Variants in LPCAT1 observed in about 807,000 individuals in gnomAD.
LPCAT1 encodes the protein 1-acylglycerol-3-phosphate O-acyltransferase.
Under a neutral mutation model 60.9 loss-of-function variants are expected in LPCAT1, and 23 were observed. The ratio of observed to expected loss-of-function variants is 0.38; its 90% confidence interval spans 0.27 to 0.53. LPCAT1 has a LOEUF of 0.53. Ranked by LOEUF, LPCAT1 falls within the 20% of genes least tolerant of loss-of-function variation. The probability of loss-of-function intolerance (pLI) is 0.82; values close to 1 mark genes in which losing one functional copy is unlikely to be tolerated. For missense variants in LPCAT1, 622 were observed against 723.6 expected, an observed-to-expected ratio of 0.86 and a Z score of 1.61; for synonymous variants, 340 against 301.1, an observed-to-expected ratio of 1.13 and a Z score of -1.34.
At chr5:1,469,527 A>G (rs1308694395) in intron 12 of LPCAT1, among the ~76,000 whole-genome samples, 1 of 152,214 alleles carries the variant, frequency 6.6e-6, no homozygotes, top group African/African-American at 2.4e-5. Context: ...CTGTAATCCC[A>G]GCACTTTGGG....
In LPCAT1 at chr5:1,463,319, A is replaced by AAT; in HGVS notation, c.*331_*332insAT. On this transcript the variant is annotated 3_prime_UTR_variant, in exon 14 of 14. Coordinates refer to ENST00000283415, the MANE Select transcript of LPCAT1 (RefSeq NM_024830.5). ...GCCCGGTGCACGCTGCCGCCGGAAG[A>AAT]GGCTGTGACAGAGACTCGAAACCAG... The AAT allele has an allele frequency of 3.7e-6, 1 of 273,010 alleles. No individual in the cohort carries two copies. Among genetic ancestry groups the AAT allele is most frequent in the Admixed American group, 5.0e-5 (1 of 19,826 alleles). 16.9% of individuals were successfully genotyped at this position (273,010 alleles called of 1,614,324 possible).
rs1248487431 is a variant in LPCAT1 at position 1,463,791 on chromosome 5, C to T, written c.1465G>A (p.Glu489Lys). The T allele has an allele frequency of 1.2e-6, 2 of 1,614,094 alleles. No homozygotes were observed. The highest frequency in any genetic ancestry group is 1.7e-5 in the Admixed American group (1 of 60,004). The change falls in exon 14 of 14, where the codon GAA (glutamate) becomes AAA (lysine). Residue 489 changes from glutamate to lysine, a missense_variant. This residue lies in a region of LPCAT1 where 288 missense variants were observed against 283.6 expected (regional missense o/e 1.02). Coordinates refer to ENST00000283415, the MANE Select transcript of LPCAT1 (RefSeq NM_024830.5). ...FAEMYPAFAE[E>K]YLYPDQTHFE... ...TGTGTCTGATCCGGGTACAGGTATT[C>T]CTCTGCGAAGGCAGGGTACATTTCT... is the stretch of plus-strand genomic sequence containing the variant.
At chr5:1,507,114 G>A (rs1030315210) in intron 1 of LPCAT1, among the ~76,000 whole-genome samples, 4 of 152,264 alleles carry the variant, frequency 2.6e-5, no homozygotes, top group Non-Finnish European at 5.9e-5. Flanking sequence ...AGAGGGGGAG[G>A]GACTCAGAGA....
intron 5 of LPCAT1, among the ~76,000 whole-genome samples, chr5:1,485,984 T>A (rs1045303306): frequency 6.6e-6 from 1 of 152,190 alleles, no homozygotes; most frequent in African/African-American, 2.4e-5. Flanking sequence ...GCCTTCTCAC[T>A]GTCTTCGTTC....
At chr5:1,465,977 G>A (rs1406677978) in intron 13 of LPCAT1, among the ~76,000 whole-genome samples, 5 of 152,226 alleles carry the variant, frequency 3.3e-5, no homozygotes, top group Admixed American at 6.5e-5. Context: ...CCGCACTCCC[G>A]CCTCCGGCTC....
chr5:1,499,223 T>C (rs1735917677), intron 2 of LPCAT1, among the ~76,000 whole-genome samples: 1 of 152,162 alleles, frequency 6.6e-6, no homozygotes, highest in South Asian at 2.1e-4. Flanking sequence ...CCCCAAGCCA[T>C]CTATTTTGAA....
chr5:1,511,118 G>A (rs1736342764), intron 1 of LPCAT1, among the ~76,000 whole-genome samples: 1 of 152,226 alleles, frequency 6.6e-6, no homozygotes, highest in African/African-American at 2.4e-5. Flanking sequence ...CCAGCAAGAA[G>A]AGACCAGGGA....
chr5:1,464,797 CACAAA>C (rs1734270950), intron 13 of LPCAT1, among the ~76,000 whole-genome samples: 2 of 150,624 alleles, frequency 1.3e-5, no homozygotes, highest in Admixed American at 6.6e-5. Context: ...CGCGCACACA[CACAAA>C]ACAAGCACAC....
rs972278286 is a variant in LPCAT1 at position 1,462,144 on chromosome 5, C to T, written c.*1507G>A. 9 of 152,510 alleles carry T rather than the reference C, an allele frequency of 5.9e-5. No individual in the cohort carries two copies. Among genetic ancestry groups the T allele is most frequent in the African/African-American group, 1.9e-4 (8 of 41,418 alleles). The allele number at this position is 152,510 out of a possible 1,614,324, so 9.4% of individuals were successfully genotyped here. The stretch of plus-strand genomic sequence containing the variant: ...GAGGAAGTTAGTAAACATTTTTTCC[C>T]GTACTTACTGGCCTTGGTGGTCACT... On this transcript the variant is annotated 3_prime_UTR_variant, in exon 14 of 14. Transcript: ENST00000283415.
intron 1 of LPCAT1, among the ~76,000 whole-genome samples, chr5:1,505,516 C>T (rs147417338): frequency 1.2e-4 from 18 of 152,250 alleles, no homozygotes; most frequent in African/African-American, 3.6e-4. Context: ...CCAAACAACA[C>T]GGGGCATGAA....
chr5:1,498,539 A>C (rs554024936), intron 2 of LPCAT1, among the ~76,000 whole-genome samples: 18 of 152,166 alleles, frequency 1.2e-4, no homozygotes, highest in African/African-American at 4.8e-5. Flanking sequence ...ATGCACACAC[A>C]CACTCATACA....
chr5:1,493,789 G>A (rs1237950231), intron 3 of LPCAT1, among the ~76,000 whole-genome samples: 1 of 152,226 alleles, frequency 6.6e-6, no homozygotes, highest in Admixed American at 6.5e-5. Flanking sequence ...CCCAAAGATG[G>A]GTCCACATGC....
chr5:1,517,662 A>C (rs1579818472), intron 1 of LPCAT1, among the ~76,000 whole-genome samples: 1 of 147,938 alleles, frequency 6.8e-6, no homozygotes, highest in East Asian at 2.0e-4. Flanking sequence ...TACGAGAAAT[A>C]GATAATTCAA....
In LPCAT1 at chr5:1,521,715, A is replaced by C. The variant is rs1264761091; in HGVS notation, c.135+1995T>G. ...CTGAGAGGCCCCAACACCTCAAGCC[A>C]GGATCTCTGCCTGGCTTCGGCCCAA... On this transcript the variant is annotated intron_variant, in intron 1 of 13. Coordinates refer to ENST00000283415, the MANE Select transcript of LPCAT1 (RefSeq NM_024830.5). This position sits in a 1 kb window ranked among gnomAD's most constrained non-coding sequence, Gnocchi z 4.3. Among the ~76,000 whole-genome samples the C allele has an allele frequency of 6.6e-6, 1 of 152,178 alleles. No individual in the cohort carries two copies.
chr5:1,470,966 G>A (rs769171562), intron 11 of LPCAT1, 42 bp from the exon 12 acceptor site: 18 of 1,567,170 alleles, frequency 1.1e-5, no homozygotes, highest in African/African-American at 6.8e-5. Context: ...GGCCGCCTTC[G>A]GCACTGGAGA....
chr5:1,504,459 G>A (rs1010962047), intron 1 of LPCAT1, among the ~76,000 whole-genome samples: 1 of 152,254 alleles, frequency 6.6e-6, no homozygotes, highest in African/African-American at 2.4e-5. Context: ...GCTCACATCT[G>A]TAATCCCAGC....
intron 12 of LPCAT1, among the ~76,000 whole-genome samples, chr5:1,468,924 T>C (rs1734553205): frequency 6.6e-6 from 1 of 151,820 alleles, no homozygotes; most frequent in Non-Finnish European, 1.5e-5. Context: ...CTACATGCAG[T>C]CCCCCCAAAA....
chr5:1,499,959 G>C (rs937736282), intron 2 of LPCAT1, among the ~76,000 whole-genome samples: 7 of 152,260 alleles, frequency 4.6e-5, no homozygotes, highest in African/African-American at 1.7e-4. Flanking sequence ...GGAGGGGCCT[G>C]GGCGTGCCCA....
chr5:1,523,869 C>T lies in LPCAT1; in HGVS notation c.-25G>A. 1 of 1,041,612 alleles carries T rather than the reference C, an allele frequency of 9.6e-7. No homozygotes were observed. Among genetic ancestry groups the T allele is most frequent in the South Asian group, 4.4e-5 (1 of 22,636 alleles). The allele number at this position is 1,041,612 out of a possible 1,614,324, so 64.5% of individuals were successfully genotyped here. A position where few individuals can be genotyped will look rare whatever the true frequency, so the allele number is the denominator to read the frequency against. On this transcript the variant is annotated 5_prime_UTR_variant, in exon 1 of 14. Transcript: ENST00000283415. This position sits in a 1 kb window ranked among gnomAD's most constrained non-coding sequence, Gnocchi z 7.1. Reference sequence around the variant, plus strand: ...TGGCCGCGCCGTCCCGCGGCGAGCGCAGCCGAGCTGCCTGGGGCGCCGAGC... The same window carrying T: ...TGGCCGCGCCGTCCCGCGGCGAGCGTAGCCGAGCTGCCTGGGGCGCCGAGC...
Sources: gnomAD v4.1 joint callset for allele counts (sites outside exome capture counted in the v4.1 genomes callset) on GRCh38, gnomAD v4.1.1 for gene constraint, gnomAD v4.1.1 regional missense constraint, Gnocchi (gnomAD v3.1) non-coding constraint, MANE v1.5 for transcripts, NCBI Gene and HGNC (gene_info 2026-07-23, HGNC 2026-07-21) for gene names.